PLOD2: variants seen among roughly 807,000 people sequenced by gnomAD.
PLOD2 encodes lysine hydroxylase 2.
A neutral mutation model predicts 101.0 loss-of-function variants in PLOD2; 65 were observed. The observed-to-expected ratio is 0.64, with a 90% CI of 0.53 to 0.79. The LOEUF (loss-of-function observed/expected upper bound fraction) is 0.79, where lower values mean the gene tolerates loss of function less well. PLOD2 is among the 30% of genes least tolerant of loss of function. PLOD2 has a pLI of 0.00. For missense variants in PLOD2, 909 were observed against 914.6 expected, an observed-to-expected ratio of 0.99 and a Z score of 0.08; for synonymous variants, 314 against 302.9, an observed-to-expected ratio of 1.04 and a Z score of -0.38.
chr3:146,159,411 G>A (rs936821254), intron 1 of PLOD2, among the ~76,000 whole-genome samples: 21 of 152,144 alleles, frequency 1.4e-4, no homozygotes, highest in South Asian at 4.1e-4. Context: ...AAAAGTTAGG[G>A]GTGTTGGCAA....
At chr3:146,155,537 C>G (rs2032263915) in intron 1 of PLOD2, among the ~76,000 whole-genome samples, 1 of 142,196 alleles carries the variant, frequency 7.0e-6, no homozygotes, top group Admixed American at 7.2e-5. Context: ...ATGGTGAAAC[C>G]CCATCTCTAC....
At chr3:146,121,024 T>C in intron 3 of PLOD2, 88 bp downstream of exon 3, 3 of 1,133,952 alleles carry the variant, frequency 2.6e-6, no homozygotes, top group Middle Eastern at 1.9e-4. Context: ...CCCAACCATA[T>C]TTTAATACAT....
intron 4 of PLOD2, among the ~76,000 whole-genome samples, chr3:146,107,755 T>C (rs1937562662): frequency 6.7e-6 from 1 of 148,758 alleles, no homozygotes. Flanking sequence ...TTCCACCTCC[T>C]GCCTCAGCCT....
At chr3:146,091,133 T>C (rs779517513) in intron 8 of PLOD2, among the ~76,000 whole-genome samples, 1 of 151,860 alleles carries the variant, frequency 6.6e-6, no homozygotes, top group Non-Finnish European at 1.5e-5. Context: ...ATCTATGAAA[T>C]ACATACAAGT....
intron 3 of PLOD2, among the ~76,000 whole-genome samples, chr3:146,118,601 A>G (rs1249409520): frequency 6.6e-6 from 1 of 152,150 alleles, no homozygotes; most frequent in Admixed American, 6.6e-5. Flanking sequence ...ATCAATAACA[A>G]AAACAAATAA....
chr3:146,160,868 G>A lies in PLOD2; in HGVS notation c.109+13C>T, dbSNP rs1427597093. 2.2e-5 allele frequency: 33 copies of A among 1,510,690 alleles called. No individual in the cohort carries two copies. The highest frequency in any genetic ancestry group is 2.7e-5 in the Non-Finnish European group (30 of 1,106,574). 93.6% of individuals were successfully genotyped at this position (1,510,690 alleles called of 1,614,324 possible). A position where few individuals can be genotyped will look rare whatever the true frequency, so the allele number is the denominator to read the frequency against. On this transcript the variant is annotated intron_variant, in intron 1 of 19. Transcript: ENST00000282903. Reference sequence around the variant, plus strand: ...GAGCCTCGCGGGACAGCGGCGGACCGCGGGGTGCTCACCTGTGGGGATGCT... The same window carrying A: ...GAGCCTCGCGGGACAGCGGCGGACCACGGGGTGCTCACCTGTGGGGATGCT...
rs546942963 is a variant in PLOD2, at chr3:146,114,027, GA to G, written c.339-3580del. Among the ~76,000 whole-genome samples the G allele has an allele frequency of 4.7e-4, 71 of 152,246 alleles. No individual in the cohort carries two copies. The East Asian group carries it at 0.011, about 24-fold the overall frequency. On this transcript the variant is annotated intron_variant, in intron 3 of 19. Coordinates refer to ENST00000282903, the MANE Select transcript of PLOD2 (RefSeq NM_182943.3). ...TCTTACACGGTTGCAGATAAGGGAT[GA>G]AATAGCCCCAGTCTCTGGTAGCACT...
In PLOD2 at chr3:146,102,744, CT is replaced by C; in HGVS notation, c.777+10del. ...CCAAGAATTGGCCAAATAAAAGTAA[CT>C]GTTACTTACCTTGGTGGGTCCATTT... On this transcript the variant is annotated intron_variant, in intron 7 of 19. Transcript: ENST00000282903. 7.5e-7 allele frequency: 1 copy of C among 1,338,398 alleles called. No individual in the cohort carries two copies. The highest frequency in any genetic ancestry group is 1.1e-6 in the Non-Finnish European group (1 of 928,310). 82.9% of individuals were successfully genotyped at this position (1,338,398 alleles called of 1,614,324 possible).
rs140869131 is a variant in PLOD2 at position 146,144,382 on chromosome 3, T to C, written c.109+16499A>G. Among the ~76,000 whole-genome samples, 426 of 152,270 alleles carry C rather than the reference T, an allele frequency of 2.8e-3. 2 individuals carry two copies. The highest frequency in any genetic ancestry group is 9.8e-3 in the African/African-American group (407 of 41,566). On this transcript the variant is annotated intron_variant, in intron 1 of 19. Transcript: ENST00000282903. ...CCCTAAAACCTTGAAGAAAGTATTT[T>C]GAAAAGTAATGCTTGCCAAGATTTC...
chr3:146,072,225 G>T (rs904061678), intron 17 of PLOD2, among the ~76,000 whole-genome samples: 3 of 151,306 alleles, frequency 2.0e-5, no homozygotes, highest in Non-Finnish European at 4.4e-5. Context: ...CTGTGAAAAC[G>T]CAAGGAATAA....
At position 146,086,852 on chromosome 3, in the gene PLOD2, G is replaced by C; in HGVS notation, c.1062C>G (p.Ile354Met). The change falls in exon 10 of 20, where the codon ATC becomes ATG. Residue 354 changes from isoleucine to methionine, a missense_variant. Coordinates refer to ENST00000282903, the MANE Select transcript of PLOD2 (RefSeq NM_182943.3). Reference protein sequence around the residue: ...KVFFDKAKHEIKTIKIVGPEE... With the variant: ...KVFFDKAKHEMKTIKIVGPEE... ...CTGGTCCTACTATTTTTATAGTTTT[G>C]ATTTCATGCTTAGCTTTATCAAAAA... 1 of 1,533,430 alleles carries C rather than the reference G, an allele frequency of 6.5e-7. No homozygotes were observed. The highest frequency in any genetic ancestry group is 8.9e-7 in the Non-Finnish European group (1 of 1,120,626). 95.0% of individuals were successfully genotyped at this position (1,533,430 alleles called of 1,614,324 possible).
At chr3:146,148,757 A>G (rs1339439198) in intron 1 of PLOD2, among the ~76,000 whole-genome samples, 1 of 152,228 alleles carries the variant, frequency 6.6e-6, no homozygotes, top group Non-Finnish European at 1.5e-5. Context: ...TACAACATCT[A>G]TATTTCTGAA....
intron 1 of PLOD2, among the ~76,000 whole-genome samples, chr3:146,141,966 G>GAAA (rs1229187609): frequency 3.9e-5 from 6 of 152,196 alleles, no homozygotes. Context: ...ACCAGGTGAA[G>GAAA]AAATGTGTGT....
chr3:146,100,226 C>T (rs2108049556), intron 7 of PLOD2, among the ~76,000 whole-genome samples: 1 of 152,274 alleles, frequency 6.6e-6, no homozygotes, highest in South Asian at 2.1e-4. Context: ...AGAAAATAAT[C>T]TGCCTTACTA....
intron 2 of PLOD2, among the ~76,000 whole-genome samples, chr3:146,122,234 C>T (rs2030212501): frequency 1.3e-5 from 2 of 152,138 alleles, no homozygotes. Context: ...GAGGGAAAAA[C>T]ACAACCCAAG....
intron 18 of PLOD2, 23 bp from the exon 19 acceptor site, chr3:146,071,190 T>C: frequency 6.2e-7 from 1 of 1,610,918 alleles, no homozygotes; most frequent in South Asian, 1.1e-5. Flanking sequence ...AGTAAGCCAG[T>C]GGATTTGCTT....
At chr3:146,135,891 C>CA (rs200708499) in intron 1 of PLOD2, among the ~76,000 whole-genome samples, 207 of 143,188 alleles carry the variant, frequency 1.4e-3, no homozygotes, top group African/African-American at 4.2e-3. Context: ...CACTGCTGTC[C>CA]AAAAAAAAAA....
At chr3:146,126,978 T>C (rs1267197809) in intron 1 of PLOD2, among the ~76,000 whole-genome samples, 1 of 152,170 alleles carries the variant, frequency 6.6e-6, no homozygotes, top group African/African-American at 2.4e-5. Context: ...GCATTTTTTG[T>C]TATGTTTAAA....
chr3:146,077,239 ACCTC>A lies in PLOD2; in HGVS notation c.1564-348_1564-345del, dbSNP rs1477969982. 5 of 871,864 alleles carry A rather than the reference ACCTC, an allele frequency of 5.7e-6. No homozygotes were observed. In the African/African-American group the frequency reaches 9.1e-5, roughly 16 times the overall value. The allele number at this position is 871,864 out of a possible 1,614,324, so 54.0% of individuals were successfully genotyped here. A position where few individuals can be genotyped will look rare whatever the true frequency, so the allele number is the denominator to read the frequency against. ...TTTGAGACACAGTGCAATGAATTAT[ACCTC>A]TTTTGGCTTCTTTCTCTTTCAAAGA... On this transcript the variant is annotated intron_variant, in intron 14 of 19. Coordinates refer to ENST00000282903, the MANE Select transcript of PLOD2 (RefSeq NM_182943.3).
Sources: allele counts gnomAD v4.1 joint callset (sites outside exome capture counted in the v4.1 genomes callset), GRCh38; gene constraint gnomAD v4.1.1; transcripts MANE v1.5; gene names NCBI Gene and HGNC (gene_info 2026-07-23, HGNC 2026-07-21).